CSMD3: variants seen among roughly 807,000 people sequenced by gnomAD.
CSMD3 encodes the protein CUB and sushi domain-containing protein 3.
In CSMD3, 177 loss-of-function variants were observed where a neutral mutation model predicts 435.2. That is an observed-to-expected ratio of 0.41 (90% CI 0.36 to 0.46). CSMD3 has a LOEUF of 0.46. CSMD3 is among the 20% of genes least tolerant of loss of function. The pLI is 0.34. For synonymous variants in CSMD3, 1,656 were observed against 1,520.5 expected (o/e 1.09, Z -2.07); for missense variants, 4,265 against 4,504.6 (o/e 0.95, Z 1.52).
At chr8:113,343,989 AAAAC>A (rs1450711500) in intron 1 of CSMD3, among the ~76,000 whole-genome samples, 1 of 152,170 alleles carries the variant, frequency 6.6e-6, no homozygotes, top group Non-Finnish European at 1.5e-5. Context: ...TTTATATTTA[AAAAC>A]AATCAAATTA....
intron 23 of CSMD3, among the ~76,000 whole-genome samples, chr8:112,579,608 CTT>C (rs1830196436): frequency 6.6e-6 from 1 of 151,754 alleles, no homozygotes; most frequent in African/African-American, 2.4e-5. Context: ...TGTAATATAA[CTT>C]AATTTTTGGC....
chr8:112,751,176 C>T (rs2077561918), intron 13 of CSMD3, among the ~76,000 whole-genome samples: 5 of 152,034 alleles, frequency 3.3e-5, no homozygotes, highest in Admixed American at 3.3e-4. Context: ...AGAACTGAGT[C>T]CATTAAACCT....
chr8:112,602,255 A>C (rs997847283), intron 22 of CSMD3, among the ~76,000 whole-genome samples: 16 of 152,202 alleles, frequency 1.1e-4, no homozygotes, highest in Admixed American at 4.6e-4. Context: ...CAGCACTTGA[A>C]CAAATAAAGG....
Position 112,329,600 on chromosome 8 carries a change from C to A in CSMD3, c.7165+5729G>T, listed in dbSNP as rs965261830. 9.9e-5 allele frequency among the ~76,000 whole-genome samples: 15 copies of A among 152,070 alleles called. No individual in the cohort carries two copies. The South Asian group carries it at 1.5e-3, about 15-fold the overall frequency. ...ACACTTTTGCTGAGATCACAGAGTCCCTCATCATATGTTGTCTCACTCATT... is the reference window on the plus strand; with the variant it reads ...ACACTTTTGCTGAGATCACAGAGTCACTCATCATATGTTGTCTCACTCATT... On this transcript the variant is annotated intron_variant, in intron 45 of 70. Coordinates refer to ENST00000297405, the MANE Select transcript of CSMD3 (RefSeq NM_198123.2).
At chr8:112,646,546 T>C (rs1420000828) in intron 19 of CSMD3, among the ~76,000 whole-genome samples, 1 of 152,172 alleles carries the variant, frequency 6.6e-6, no homozygotes, top group Non-Finnish European at 1.5e-5. Context: ...TGTACCTATA[T>C]ACATATGTAG....
chr8:112,867,797 G>A (rs1157369810), intron 10 of CSMD3, among the ~76,000 whole-genome samples: 1 of 152,146 alleles, frequency 6.6e-6, no homozygotes, highest in African/African-American at 2.4e-5. Flanking sequence ...AAGTCAGAGA[G>A]TGAGGAGTGA....
chr8:113,137,965 A>G (rs2091456732), intron 4 of CSMD3, among the ~76,000 whole-genome samples: 1 of 151,632 alleles, frequency 6.6e-6, no homozygotes, highest in African/African-American at 2.4e-5. Flanking sequence ...CAATGTGAAT[A>G]ATATAAATAC....
At chr8:112,863,137 T>A (rs1421648576) in intron 10 of CSMD3, among the ~76,000 whole-genome samples, 1 of 152,154 alleles carries the variant, frequency 6.6e-6, no homozygotes, top group African/African-American at 2.4e-5. Context: ...AATACTTTCT[T>A]ACAGACTTTT....
intron 3 of CSMD3, among the ~76,000 whole-genome samples, chr8:113,265,901 A>G (rs2093466640): frequency 1.3e-5 from 2 of 151,474 alleles, no homozygotes; most frequent in African/African-American, 4.8e-5. Flanking sequence ...CAGGTATGAC[A>G]TTTCCTCGTA....
intron 4 of CSMD3, among the ~76,000 whole-genome samples, chr8:113,115,548 GAA>G (rs575329220): frequency 7.6e-4 from 116 of 152,318 alleles, no homozygotes; most frequent in Non-Finnish European, 1.4e-3. Context: ...AATGGAAGCT[GAA>G]AGTATGTCCT....
At chr8:112,405,047 C>T (rs1203541730) in intron 35 of CSMD3, among the ~76,000 whole-genome samples, 1 of 149,526 alleles carries the variant, frequency 6.7e-6, no homozygotes, top group African/African-American at 2.5e-5. Flanking sequence ...ATTAGCTGGG[C>T]ATGGTAGTGC....
At position 112,272,434 on chromosome 8, in the gene CSMD3, C is replaced by A. The variant is rs181397886; in HGVS notation, c.9509-6844G>T. Reference sequence around the variant, plus strand: ...TTATATAGTCTGGGCATATAGTAACCATAAAAATTGTGTCTACAGAGGCAA... The same window carrying A: ...TTATATAGTCTGGGCATATAGTAACAATAAAAATTGTGTCTACAGAGGCAA... On this transcript the variant is annotated intron_variant, in intron 59 of 70. Transcript: ENST00000297405. Among the ~76,000 whole-genome samples, 13 of 151,978 alleles carry A rather than the reference C, an allele frequency of 8.6e-5. No individual in the cohort carries two copies. In the East Asian group the frequency reaches 2.5e-3, roughly 29 times the overall value.
intron 6 of CSMD3, among the ~76,000 whole-genome samples, chr8:112,999,846 A>G (rs1019201651): frequency 1.3e-5 from 2 of 152,022 alleles, no homozygotes; most frequent in African/African-American, 4.8e-5. Flanking sequence ...TCATTTGCTG[A>G]TATGAGAAAG....
At chr8:112,653,845 A>G (rs2075191409) in intron 18 of CSMD3, among the ~76,000 whole-genome samples, 2 of 151,950 alleles carry the variant, frequency 1.3e-5, no homozygotes, top group African/African-American at 4.8e-5. Context: ...TTTTTAGTAG[A>G]GATGGGGTTT....
At chr8:112,361,796 C>A (rs943850816) in intron 38 of CSMD3, among the ~76,000 whole-genome samples, 1 of 150,864 alleles carries the variant, frequency 6.6e-6, no homozygotes, top group African/African-American at 2.4e-5. Context: ...AAAATGCAGA[C>A]CAAAAATATT....
At chr8:113,065,136 C>T (rs964717757) in intron 5 of CSMD3, among the ~76,000 whole-genome samples, 1 of 152,046 alleles carries the variant, frequency 6.6e-6, no homozygotes, top group Non-Finnish European at 1.5e-5. Context: ...AAATACAGTG[C>T]TTTGGGCTTG....
chr8:113,004,420 A>G (rs1367963158), intron 6 of CSMD3, among the ~76,000 whole-genome samples: 1 of 152,048 alleles, frequency 6.6e-6, no homozygotes, highest in African/African-American at 2.4e-5. Context: ...ACAAAGGTAT[A>G]TTAAAGCATT....
intron 2 of CSMD3, among the ~76,000 whole-genome samples, chr8:113,286,912 G>T (rs1588444506): frequency 6.6e-6 from 1 of 151,758 alleles, no homozygotes; most frequent in African/African-American, 2.4e-5. Flanking sequence ...CAGGAGGAAA[G>T]GAGAGAGGAC....
chr8:112,479,027 C>T (rs986777151), intron 31 of CSMD3, among the ~76,000 whole-genome samples: 4 of 152,080 alleles, frequency 2.6e-5, no homozygotes, highest in Admixed American at 6.6e-5. Flanking sequence ...CAATAAAATT[C>T]GTCTTCACCC....
Sources: gnomAD v4.1 joint callset for allele counts (sites outside exome capture counted in the v4.1 genomes callset) on GRCh38, gnomAD v4.1.1 for gene constraint, MANE v1.5 for transcripts, NCBI Gene and HGNC (gene_info 2026-07-23, HGNC 2026-07-21) for gene names.